Variants in ATR observed in about 807,000 individuals in gnomAD.
ATR encodes serine/threonine-protein kinase ATR.
ATR carries 142 observed loss-of-function variants against 305.3 expected under a neutral mutation model. The ratio of observed to expected loss-of-function variants is 0.47; its 90% CI spans 0.41 to 0.53. The LOEUF (loss-of-function observed/expected upper bound fraction) is 0.53. Among genes scored for constraint, ATR ranks in the 20% least tolerant of loss-of-function variants. ATR has a pLI of 0.00. For synonymous variants in ATR, 1,050 were observed against 1,068.1 expected (o/e 0.98, Z 0.33); for missense variants, 2,135 against 3,133.1 (o/e 0.68, Z 7.60).
chr3:142,529,623 C>T (rs2033558133), intron 21 of ATR, among the ~76,000 whole-genome samples: 1 of 152,098 alleles, frequency 6.6e-6, no homozygotes, highest in Non-Finnish European at 1.5e-5. Context: ...CTTGTGAAAA[C>T]CATATTACTT....
chr3:142,569,185 A>C (rs2035177573), intron 1 of ATR, among the ~76,000 whole-genome samples: 1 of 152,096 alleles, frequency 6.6e-6, no homozygotes, highest in Admixed American at 6.5e-5. Flanking sequence ...ATAAAAACTA[A>C]ATTTTTGGTG....
chr3:142,560,723 G>T (rs1367581728), intron 5 of ATR, among the ~76,000 whole-genome samples: 1 of 152,038 alleles, frequency 6.6e-6, no homozygotes, highest in Non-Finnish European at 1.5e-5. Flanking sequence ...ACCACGCTTG[G>T]CTAATTTTTT....
At chr3:142,478,560 T>C (rs1457911976) in intron 36 of ATR, among the ~76,000 whole-genome samples, 1 of 152,234 alleles carries the variant, frequency 6.6e-6, no homozygotes, top group African/African-American at 2.4e-5. Flanking sequence ...GAAGAATGTA[T>C]ATTCTGTTGA....
At chr3:142,546,304 G>A (rs1011493550) in intron 16 of ATR, among the ~76,000 whole-genome samples, 5 of 152,156 alleles carry the variant, frequency 3.3e-5, no homozygotes, top group Admixed American at 1.3e-4. Flanking sequence ...CCAGAACTAA[G>A]GGGGGCATTA....
rs1025824909 is a variant in ATR at position 142,461,856 on chromosome 3, T to C, written c.7192+84A>G. The C allele has an allele frequency of 2.0e-5, 29 of 1,426,686 alleles. No individual in the cohort carries two copies. The African/African-American group carries it at 3.5e-4, about 17-fold the overall frequency. The allele number at this position is 1,426,686 out of a possible 1,614,324, so 88.4% of individuals were successfully genotyped here. ...ACTATAGCTTATATCAAAAAACATA[T>C]GCTAGCATATATTAATACCAATTAT... is the stretch of plus-strand genomic sequence containing the variant. On this transcript the variant is annotated intron_variant, in intron 42 of 46. Coordinates refer to ENST00000350721, the MANE Select transcript of ATR (RefSeq NM_001184.4).
At chr3:142,523,695 A>G (rs1403953158) in intron 22 of ATR, among the ~76,000 whole-genome samples, 1 of 152,182 alleles carries the variant, frequency 6.6e-6, no homozygotes, top group East Asian at 1.9e-4. Flanking sequence ...CCATGGAAAC[A>G]CTAGCAATAA....
intron 14 of ATR, 116 bp from the exon 15 acceptor site, chr3:142,549,789 T>C: frequency 1.1e-6 from 1 of 889,964 alleles, no homozygotes; most frequent in Non-Finnish European, 1.8e-6. Context: ...GTCCACTCCA[T>C]ACTATAAAAT....
chr3:142,478,662 G>T (rs367815820), intron 36 of ATR, among the ~76,000 whole-genome samples: 7 of 152,090 alleles, frequency 4.6e-5, no homozygotes, highest in African/African-American at 1.4e-4. Flanking sequence ...CTTCTGTCTC[G>T]TTGATCTGTC....
chr3:142,558,879 A>G, intron 7 of ATR, 103 bp from the exon 8 acceptor site: 1 of 1,199,002 alleles, frequency 8.3e-7, no homozygotes, highest in East Asian at 2.6e-5. Flanking sequence ...TGATCATTGG[A>G]TAAGCAGAAA....
Position 142,562,473 on chromosome 3 carries a change from T to C in ATR, c.929A>G (p.Tyr310Cys), listed in dbSNP as rs2034917520. 6.2e-7 allele frequency: 1 copy of C among 1,614,196 alleles called. No individual in the cohort carries two copies. The highest frequency in any genetic ancestry group is 8.5e-7 in the Non-Finnish European group (1 of 1,180,004). Residue 310 changes from tyrosine to cysteine, a missense_variant, in exon 4 of 47, where the codon TAT becomes TGT. Transcript: ENST00000350721. The stretch of plus-strand genomic sequence containing the variant: ...TAAATAGACAGGTTCAATATTTCTA[T>C]AAGCTTCTGCTTCAAAGGGAAATAG... Reference protein sequence around the residue: ...KTLFPFEAEAYRNIEPVYLNM... With the variant: ...KTLFPFEAEACRNIEPVYLNM...
chr3:142,577,211 A>G (rs1410848307), intron 1 of ATR, among the ~76,000 whole-genome samples: 7 of 152,236 alleles, frequency 4.6e-5, no homozygotes, highest in Admixed American at 4.6e-4. Flanking sequence ...AATAGCTACA[A>G]ATAAATGAAA....
intron 39 of ATR, 124 bp from the exon 40 acceptor site, chr3:142,466,657 A>G: frequency 1.1e-6 from 1 of 882,734 alleles, no homozygotes; most frequent in Non-Finnish European, 1.7e-6. Flanking sequence ...AGTATTTCCT[A>G]ATCATCCCAT....
chr3:142,541,826 GA>G (rs1286005315), intron 17 of ATR, among the ~76,000 whole-genome samples: 1 of 151,724 alleles, frequency 6.6e-6, no homozygotes. Flanking sequence ...ATTGGTTGCT[GA>G]AATTTGCAAA....
chr3:142,468,126 A>G lies in ATR; in HGVS notation c.6553-58T>C, dbSNP rs915670788. 4 of 1,585,332 alleles carry G rather than the reference A, an allele frequency of 2.5e-6. No individual in the cohort carries two copies. In the Admixed American group the frequency reaches 7.0e-5, roughly 28 times the overall value. ...AGAGTTTATACAGGATTTTTAAAAG[A>G]TAAATTTTTTGCTTGACAAAAAACT... is the stretch of plus-strand genomic sequence containing the variant. On this transcript the variant is annotated intron_variant, in intron 38 of 46. Coordinates refer to ENST00000350721, the MANE Select transcript of ATR (RefSeq NM_001184.4).
chr3:142,524,602 C>T (rs913622101), intron 21 of ATR, among the ~76,000 whole-genome samples: 2 of 151,908 alleles, frequency 1.3e-5, no homozygotes, highest in African/African-American at 4.8e-5. Flanking sequence ...AGAAAAAACA[C>T]AGAGTAACTT....
chr3:142,557,908 C>T (rs1353674505), intron 8 of ATR, among the ~76,000 whole-genome samples: 2 of 152,208 alleles, frequency 1.3e-5, no homozygotes, highest in South Asian at 2.1e-4. Flanking sequence ...GCTGGGATTA[C>T]AGGCGTGAGC....
chr3:142,544,679 C>T (rs1385123253), intron 16 of ATR, among the ~76,000 whole-genome samples: 1 of 143,336 alleles, frequency 7.0e-6, no homozygotes, highest in Admixed American at 7.0e-5. Flanking sequence ...GCATTTTGAA[C>T]TCCATAAGAA....
rs761691674 is a variant in ATR at position 142,547,704 on chromosome 3, C to T, written c.3357+21G>A. The T allele has an allele frequency of 6.8e-6, 11 of 1,609,302 alleles. No individual in the cohort carries two copies. In the South Asian group the frequency reaches 1.2e-4, roughly 18 times the overall value. On this transcript the variant is annotated intron_variant, in intron 16 of 46. Coordinates refer to ENST00000350721, the MANE Select transcript of ATR (RefSeq NM_001184.4). ...AAGGAAGAAAAACAAACAAAAAAACCTCATAGAACATATTCCTTACCATCA... is the reference window on the plus strand; with the variant it reads ...AAGGAAGAAAAACAAACAAAAAAACTTCATAGAACATATTCCTTACCATCA...
chr3:142,493,093 C>T (rs1441638550), intron 35 of ATR, 39 bp downstream of exon 35: 1 of 1,595,982 alleles, frequency 6.3e-7, no homozygotes, highest in African/African-American at 1.3e-5. Flanking sequence ...TTTACGTAGT[C>T]AACAGAGTTA....
Sources: allele counts gnomAD v4.1 joint callset (sites outside exome capture counted in the v4.1 genomes callset), GRCh38; gene constraint gnomAD v4.1.1; transcripts MANE v1.5; gene names NCBI Gene and HGNC (gene_info 2026-07-23, HGNC 2026-07-21).